The following CPZ variants were observed in gnomAD, a reference collection of about 807,000 sequenced individuals.
CPZ encodes the protein carboxypeptidase Z.
Under a neutral mutation model 61.8 loss-of-function variants are expected in CPZ, and 103 were observed. The observed-to-expected ratio is 1.67, with a 90% confidence interval of 1.42 to 1.96. The LOEUF is 1.96. CPZ is among the 30% of genes most tolerant of loss of function. The pLI is 0.00. For missense variants in CPZ, 1,461 were observed against 914.9 expected, an observed-to-expected ratio of 1.60 and a Z score of -7.70; for synonymous variants, 551 against 373.7, an observed-to-expected ratio of 1.47 and a Z score of -5.47.
chr4:8,612,205 G>GGGGGGGGGGGGGGGGGGGGGCC, intron 8 of CPZ, 43 bp downstream of exon 8: 1 of 202,854 alleles, frequency 4.9e-6, no homozygotes, highest in Non-Finnish European at 9.6e-6. Context: ...GGTGGGGGGT[G>GGGGGGGGGGGGGGGGGGGGGCC]CAGGGGCTGG....
chr4:8,619,008 G>T (rs976526218), intron 10 of CPZ, among the ~76,000 whole-genome samples: 1 of 152,150 alleles, frequency 6.6e-6, no homozygotes, highest in African/African-American at 2.4e-5. Context: ...TGCTAACTGT[G>T]GGGTGGGTAT....
rs368236229 is a variant in CPZ, at chr4:8,618,399, A to T, written c.1504-30A>T. 5.6e-6 allele frequency: 9 copies of T among 1,606,496 alleles called. No individual in the cohort carries two copies. In the South Asian group the frequency reaches 9.9e-5, roughly 18 times the overall value. Reference sequence around the variant, plus strand: ...CACGCTCAGCAGGAGAGCTCACGCCATCTCCCTGGCCTCCCCTTGGTCTCT... The same window carrying T: ...CACGCTCAGCAGGAGAGCTCACGCCTTCTCCCTGGCCTCCCCTTGGTCTCT... On this transcript the variant is annotated intron_variant, in intron 9 of 10. Transcript: ENST00000360986.
At chr4:8,605,948 G>A (rs752252286) in intron 4 of CPZ, 41 bp from the exon 5 acceptor site, 12 of 1,585,964 alleles carry the variant, frequency 7.6e-6, no homozygotes, top group African/African-American at 1.3e-5. Flanking sequence ...GGGGACCCCC[G>A]GCTTTGAGAT....
In CPZ at chr4:8,599,306, G is replaced by C. The variant is rs541868498; in HGVS notation, c.89-147G>C. On this transcript the variant is annotated intron_variant, in intron 1 of 10. Coordinates refer to ENST00000360986, the MANE Select transcript of CPZ (RefSeq NM_001014447.3). ...GGGGTGACTGTGGTGTCTGCCTCAG[G>C]GGCTGCTGTGAAGACTCCATGAGAT... 22 of 879,252 alleles carry C rather than the reference G, an allele frequency of 2.5e-5. No individual in the cohort carries two copies. In the South Asian group the frequency reaches 4.1e-4, roughly 17 times the overall value. The allele number at this position is 879,252 out of a possible 1,614,324, so 54.5% of individuals were successfully genotyped here.
At chr4:8,607,796 G>C (rs1000572047) in intron 7 of CPZ, among the ~76,000 whole-genome samples, 1 of 152,102 alleles carries the variant, frequency 6.6e-6, no homozygotes, top group African/African-American at 2.4e-5. Context: ...GGGAGGCGCC[G>C]GCAGAGGGCA....
chr4:8,615,516 G>A (rs980832927), intron 9 of CPZ, among the ~76,000 whole-genome samples: 2 of 152,260 alleles, frequency 1.3e-5, no homozygotes, highest in African/African-American at 4.8e-5. Context: ...CAGCAGCAAG[G>A]AGAGGTGAGG....
rs1715069041 is a variant in CPZ at position 8,606,886 on chromosome 4, C to G, written c.1056C>G (p.Tyr352Ter). The change falls in exon 6 of 11, where the codon TAC (tyrosine) becomes TAG (stop). Residue 352 changes from tyrosine to a stop codon, truncating the protein, a stop_gained. Coordinates refer to ENST00000360986, the MANE Select transcript of CPZ (RefSeq NM_001014447.3). LOFTEE classifies it high-confidence loss of function. The stretch of plus-strand genomic sequence containing the variant: ...ACCACATCCCCATCCCCCAGCACTA[C>G]TGGTGGGGTAAGGTAGGAGCCGCCG... ...RSDHIPIPQH[Y>*]WWGKVAPETK... is the part of the protein sequence containing the mutation. 2 of 1,611,014 alleles carry G rather than the reference C, an allele frequency of 1.2e-6. No individual in the cohort carries two copies. Among genetic ancestry groups the G allele is most frequent in the Non-Finnish European group, 1.7e-6 (2 of 1,178,984 alleles).
chr4:8,599,597 A>G (rs915294122), intron 2 of CPZ, 112 bp downstream of exon 2: 1 of 1,535,788 alleles, frequency 6.5e-7, no homozygotes, highest in Non-Finnish European at 8.8e-7. Flanking sequence ...GTAATGGATA[A>G]CACAGCCCAT....
intron 10 of CPZ, among the ~76,000 whole-genome samples, chr4:8,618,811 A>T (rs1716433436): frequency 6.6e-6 from 1 of 152,190 alleles, no homozygotes; most frequent in Non-Finnish European, 1.5e-5. Flanking sequence ...ATTGCCGGGG[A>T]GAGCCACCTC....
At chr4:8,616,881 CCA>C (rs1171726801) in intron 9 of CPZ, among the ~76,000 whole-genome samples, 1 of 152,184 alleles carries the variant, frequency 6.6e-6, no homozygotes, top group East Asian at 1.9e-4. Flanking sequence ...GTCACGAGCC[CCA>C]GAGGGCAGGG....
intron 1 of CPZ, among the ~76,000 whole-genome samples, chr4:8,597,884 C>T (rs1714296159): frequency 1.3e-5 from 2 of 152,210 alleles, no homozygotes; most frequent in African/African-American, 4.8e-5. Context: ...AATGGAGACA[C>T]AAAAGAGCCA....
chr4:8,611,966 C>A, intron 7 of CPZ, 61 bp from the exon 8 acceptor site: 1 of 1,610,948 alleles, frequency 6.2e-7, no homozygotes, highest in South Asian at 1.1e-5. Context: ...CTCATTGACC[C>A]CAGCTCACAG....
chr4:8,607,660 C>T (rs1339733793), intron 7 of CPZ, among the ~76,000 whole-genome samples: 2 of 152,204 alleles, frequency 1.3e-5, no homozygotes, highest in Non-Finnish European at 2.9e-5. Flanking sequence ...GCTGCACTGT[C>T]TTTCACATGT....
chr4:8,593,731 G>A (rs1423922952), intron 1 of CPZ, among the ~76,000 whole-genome samples: 1 of 152,194 alleles, frequency 6.6e-6, no homozygotes, highest in Non-Finnish European at 1.5e-5. Context: ...GGATACCTGA[G>A]AACTGCCTGA....
rs767881431 is a variant in CPZ, at chr4:8,606,117, C to CT, written c.839dup (p.Asn281GlnfsTer14). The CT allele has an allele frequency of 3.2e-5, 51 of 1,614,060 alleles. No individual in the cohort carries two copies. In the Admixed American group the frequency reaches 8.5e-4, roughly 27 times the overall value. On this transcript the variant is annotated frameshift_variant, in exon 5 of 11. Coordinates refer to ENST00000360986, the MANE Select transcript of CPZ (RefSeq NM_001014447.3). LOFTEE classifies it high-confidence loss of function. Reference sequence around the variant, plus strand: ...TGGTAACCCCCGCATCCAGCGCCTGCTCAACACCACCCGCATCCACCTGCT... The same window carrying CT: ...TGGTAACCCCCGCATCCAGCGCCTGCTTCAACACCACCCGCATCCACCTGCT...
At position 8,618,504 on chromosome 4, in the gene CPZ, G is replaced by A. The variant is rs1168528299; in HGVS notation, c.1579G>A (p.Gly527Ser). ...CAAAAACGCCCGGATCTCAGTCAAA[G>A]GCATTCGCCACGACATCACCACAGG... Reference protein sequence around the residue: ...PVKNARISVKGIRHDITTAPD... With the variant: ...PVKNARISVKSIRHDITTAPD... The change falls in exon 10 of 11, where the codon GGC becomes AGC. Residue 527 changes from glycine (G) to serine (S), a missense_variant. Physicochemically the swap from Gly to Ser is moderately conservative, Grantham distance 56 (BLOSUM62 0). Coordinates refer to ENST00000360986, the MANE Select transcript of CPZ (RefSeq NM_001014447.3). 3 of 1,613,946 alleles carry A rather than the reference G, an allele frequency of 1.9e-6. No homozygotes were observed. The highest frequency in any genetic ancestry group is 1.7e-5 in the Admixed American group (1 of 60,002).
chr4:8,618,307 CTCT>C, intron 9 of CPZ, 119 bp from the exon 10 acceptor site: 1 of 816,188 alleles, frequency 1.2e-6, no homozygotes, highest in Non-Finnish European at 2.0e-6. Flanking sequence ...CAGAGTGGGG[CTCT>C]GTGGGGTAGT....
At chr4:8,610,600 G>C (rs897064686) in intron 7 of CPZ, among the ~76,000 whole-genome samples, 3 of 152,238 alleles carry the variant, frequency 2.0e-5, no homozygotes, top group Non-Finnish European at 4.4e-5. Context: ...GTGGGACACA[G>C]GTAGAATGTA....
chr4:8,603,702 C>T (rs1351494741), intron 3 of CPZ: 2 of 536,872 alleles, frequency 3.7e-6, no homozygotes, highest in African/African-American at 3.8e-5. Context: ...TTGTCCTGCT[C>T]CGTATTTTAG....
Sources: gnomAD v4.1 joint callset for allele counts (sites outside exome capture counted in the v4.1 genomes callset) on GRCh38, gnomAD v4.1.1 for gene constraint, MANE v1.5 for transcripts, NCBI Gene and HGNC (gene_info 2026-07-23, HGNC 2026-07-21) for gene names.